CCDC28A: variants seen among roughly 807,000 people sequenced by gnomAD.
CCDC28A encodes coiled-coil domain containing 28A, also known as coiled-coil domain-containing protein 28A.
A neutral mutation model predicts 22.1 loss-of-function variants in CCDC28A; 24 were observed. The ratio of observed to expected loss-of-function variants is 1.09; its 90% CI spans 0.79 to 1.53. The LOEUF (loss-of-function observed/expected upper bound fraction) is 1.53. Among genes scored for constraint, CCDC28A ranks in the 40% most tolerant of loss-of-function variants. The pLI is 0.00. For missense variants in CCDC28A, 170 were observed against 210.7 expected (o/e 0.81, Z 1.20); for synonymous variants, 83 against 74.7 (o/e 1.11, Z -0.57).
chr6:138,774,344 G>GT (rs1342593129), intron 1 of CCDC28A, among the ~76,000 whole-genome samples: 1 of 152,094 alleles, frequency 6.6e-6, no homozygotes, highest in East Asian at 1.9e-4. Flanking sequence ...TCAGGCCAGC[G>GT]TGTTTATGCG....
At chr6:138,790,147 TTTTG>T (rs199543361) in intron 5 of CCDC28A, among the ~76,000 whole-genome samples, 177 of 152,050 alleles carry the variant, frequency 1.2e-3, no homozygotes, top group African/African-American at 3.5e-3. Context: ...TTTTGTGTGG[TTTTG>T]TTTGTTTGTT....
rs142394582 is a variant in CCDC28A at position 138,784,345 on chromosome 6, C to CTT, written c.323-881_323-880insTT. On this transcript the variant is annotated intron_variant, in intron 3 of 5. Transcript: ENST00000617445. ...TCTACTTAAGGGACGATTTTCTTTT[C>CTT]TCTTTTTCTTTTTTTTTTTTTTTGA... Among the ~76,000 whole-genome samples, 116 of 138,248 alleles carry CTT rather than the reference C, an allele frequency of 8.4e-4. 4 individuals carry two copies. The highest frequency in any genetic ancestry group is 8.4e-4 in the East Asian group (4 of 4,768). 90.7% of individuals were successfully genotyped at this position (138,248 alleles called of 152,430 possible).
At chr6:138,774,825 AT>A (rs1182084308) in intron 1 of CCDC28A, among the ~76,000 whole-genome samples, 1 of 152,262 alleles carries the variant, frequency 6.6e-6, no homozygotes, top group East Asian at 1.9e-4. Flanking sequence ...CTAGAAGGCA[AT>A]TTACAACCTG....
At chr6:138,775,896 A>G (rs781124893) in intron 1 of CCDC28A, among the ~76,000 whole-genome samples, 183 bp from the exon 2 acceptor site, 3 of 152,168 alleles carry the variant, frequency 2.0e-5, no homozygotes, top group Non-Finnish European at 4.4e-5. Context: ...CTACCAGACA[A>G]TTTTGCTAGG....
intron 2 of CCDC28A, among the ~76,000 whole-genome samples, chr6:138,776,610 TTC>T (rs1277121182): frequency 6.6e-6 from 1 of 152,018 alleles, no homozygotes; most frequent in East Asian, 1.9e-4. Flanking sequence ...CTTTCTTTCT[TTC>T]TCTCTTTTTT....
intron 1 of CCDC28A, 76 bp from the exon 2 acceptor site, chr6:138,776,003 G>T: frequency 8.0e-7 from 1 of 1,250,240 alleles, no homozygotes. Flanking sequence ...TTTTGACCCT[G>T]TGAAATGGGT....
At chr6:138,776,049 A>G in intron 1 of CCDC28A, 30 bp from the exon 2 acceptor site, 1 of 1,539,214 alleles carries the variant, frequency 6.5e-7, no homozygotes. Context: ...ATTATAGCAT[A>G]CATATATAAT....
rs760167620 is a variant in CCDC28A, at chr6:138,792,786, A to T, written c.538A>T (p.Asn180Tyr). ...LHLADAQDVP[N>Y]TSAS ...TTTGGCAGATGCACAAGATGTTCCA[A>T]ATACTTCTGCTAGCTAAAATGAAAT... is the stretch of plus-strand genomic sequence containing the variant. The change falls in exon 6 of 6, where the codon AAT becomes TAT. Residue 180 changes from asparagine (N) to tyrosine (Y), a missense_variant. Physicochemically the swap from Asn to Tyr is moderately radical, Grantham distance 143 (BLOSUM62 -2). Transcript: ENST00000617445. 2.5e-6 allele frequency: 4 copies of T among 1,608,836 alleles called. No homozygotes were observed. Among genetic ancestry groups the T allele is most frequent in the Non-Finnish European group, 3.4e-6 (4 of 1,177,330 alleles).
chr6:138,789,760 G>A (rs994166778), intron 5 of CCDC28A, among the ~76,000 whole-genome samples: 1 of 152,168 alleles, frequency 6.6e-6, no homozygotes, highest in Non-Finnish European at 1.5e-5. Flanking sequence ...GGGAGGTGGA[G>A]GTTGCAGTAA....
intron 3 of CCDC28A, among the ~76,000 whole-genome samples, 162 bp downstream of exon 3, chr6:138,780,147 T>A (rs1774994994): frequency 6.6e-6 from 1 of 152,210 alleles, no homozygotes; most frequent in Admixed American, 6.5e-5. Context: ...AGAATATAAT[T>A]TGCCTTCTAA....
chr6:138,793,211 T>C lies in CCDC28A; in HGVS notation c.*408T>C, dbSNP rs1265656163. ...TGGCAAGCCCAGCTTCAGTTTATGTTAGACAATCAGTACACATGCTGGTGT... is the reference window on the plus strand; with the variant it reads ...TGGCAAGCCCAGCTTCAGTTTATGTCAGACAATCAGTACACATGCTGGTGT... On this transcript the variant is annotated 3_prime_UTR_variant, in exon 6 of 6. Transcript: ENST00000617445. The C allele has an allele frequency of 5.1e-6, 1 of 194,828 alleles. No homozygotes were observed. Among genetic ancestry groups the C allele is most frequent in the East Asian group, 1.5e-4 (1 of 6,632 alleles). The allele number at this position is 194,828 out of a possible 1,614,324, so 12.1% of individuals were successfully genotyped here. A position where few individuals can be genotyped will look rare whatever the true frequency, so the allele number is the denominator to read the frequency against.
intron 5 of CCDC28A, among the ~76,000 whole-genome samples, 180 bp downstream of exon 5, chr6:138,788,568 C>CTTTTTTTTTTTTTTTTTTTTTTTTT (rs3070099): frequency 2.2e-5 from 2 of 92,978 alleles, no homozygotes; most frequent in Non-Finnish European, 4.3e-5. Context: ...TTTTTCTTTT[C>CTTTTTTTTTTTTTTTTTTTTTTTTT]TTTTTTTTTT....
intron 2 of CCDC28A, among the ~76,000 whole-genome samples, chr6:138,778,127 A>C (rs1774963316): frequency 6.6e-6 from 1 of 152,148 alleles, no homozygotes. Context: ...AACTTCTTTC[A>C]TATTATAGTC....
chr6:138,778,924 C>T (rs181884919), intron 2 of CCDC28A, among the ~76,000 whole-genome samples: 1 of 152,206 alleles, frequency 6.6e-6, no homozygotes, highest in East Asian at 1.9e-4. Flanking sequence ...TGCACCACCA[C>T]ACCAGGCTAA....
At chr6:138,790,543 A>T (rs1417632135) in intron 5 of CCDC28A, among the ~76,000 whole-genome samples, 2 of 152,228 alleles carry the variant, frequency 1.3e-5, no homozygotes, top group Non-Finnish European at 2.9e-5. Context: ...TTTACCCACC[A>T]CAAACATAGC....
intron 5 of CCDC28A, among the ~76,000 whole-genome samples, chr6:138,789,891 G>A (rs1023676034): frequency 8.5e-5 from 13 of 152,150 alleles, no homozygotes; most frequent in African/African-American, 2.7e-4. Flanking sequence ...CTATATAAAG[G>A]GGTATGTGCA....
intron 3 of CCDC28A, among the ~76,000 whole-genome samples, chr6:138,782,473 T>C (rs923470602): frequency 6.6e-6 from 1 of 152,166 alleles, no homozygotes; most frequent in Non-Finnish European, 1.5e-5. Flanking sequence ...ATTATTTTTC[T>C]TCCATCTCTT....
chr6:138,789,595 C>T (rs765319599), intron 5 of CCDC28A, among the ~76,000 whole-genome samples: 13 of 152,106 alleles, frequency 8.5e-5, no homozygotes, highest in African/African-American at 2.4e-4. Flanking sequence ...GAGGCTGAGG[C>T]GGGTGGATCA....
At chr6:138,784,519 G>A (rs956487982) in intron 3 of CCDC28A, among the ~76,000 whole-genome samples, 1 of 151,110 alleles carries the variant, frequency 6.6e-6, no homozygotes, top group African/African-American at 2.4e-5. Flanking sequence ...CCTAGTTAAT[G>A]CGTGTTTTTT....
Sources: gnomAD v4.1 joint callset for allele counts (sites outside exome capture counted in the v4.1 genomes callset) on GRCh38, gnomAD v4.1.1 for gene constraint, MANE v1.5 for transcripts, NCBI Gene and HGNC (gene_info 2026-07-23, HGNC 2026-07-21) for gene names.